Variants in EPG5 observed in about 807,000 individuals in gnomAD.
EPG5 encodes ectopic P granules protein 5 homolog.
Under a neutral mutation model 302.7 loss-of-function variants are expected in EPG5, and 159 were observed. That is an observed-to-expected ratio of 0.53 (90% CI 0.46 to 0.60). The LOEUF (loss-of-function observed/expected upper bound fraction) is 0.60. EPG5 is among the 20% of genes least tolerant of loss of function. The pLI, the probability that EPG5 is intolerant of heterozygous loss-of-function variation, is 0.00. For missense variants in EPG5, 2,896 were observed against 3,092.4 expected, an observed-to-expected ratio of 0.94 and a Z score of 1.51; for synonymous variants, 1,158 against 1,136.8, an observed-to-expected ratio of 1.02 and a Z score of -0.37.
chr18:45,818,465 C>T, the EPG5 span, among the ~76,000 whole-genome samples: 11 of 152,114 alleles, frequency 7.2e-5, no homozygotes, highest in African/African-American at 2.7e-4. Flanking sequence ...AGTCCCTTTC[C>T]CTACTCTTGT....
intron 40 of EPG5, among the ~76,000 whole-genome samples, chr18:45,859,266 A>C (rs1220894033): frequency 6.6e-6 from 1 of 152,214 alleles, no homozygotes; most frequent in African/African-American, 2.4e-5. Flanking sequence ...AAACTGTTTG[A>C]TTTTTAGTAA....
At chr18:45,942,208 G>A (rs1182922088) in intron 9 of EPG5, among the ~76,000 whole-genome samples, 2 of 152,016 alleles carry the variant, frequency 1.3e-5, no homozygotes, top group East Asian at 3.9e-4. Context: ...CCGGGTGACA[G>A]AGTGAGACCC....
chr18:45,840,372 G>C, the EPG5 span: 2 of 1,036,724 alleles, frequency 1.9e-6, no homozygotes, highest in Non-Finnish European at 2.8e-6. Context: ...CAGGGGCTGG[G>C]CCTTCCTTGC....
rs2050486050 is a variant in EPG5, at chr18:45,934,971, A to G, written c.2100-5T>C. On this transcript the variant is annotated splice_region_variant and splice_polypyrimidine_tract_variant and intron_variant, in intron 10 of 43. Transcript: ENST00000282041. The stretch of plus-strand genomic sequence containing the variant: ...ATAAACAGCCAAATGCCAAGTCTGC[A>G]TGTAAGCAGGAATCATTTTATTTAT... 6.2e-7 allele frequency: 1 copy of G among 1,603,440 alleles called. No homozygotes were observed. Among genetic ancestry groups the G allele is most frequent in the Admixed American group, 1.8e-5 (1 of 57,130 alleles).
chr18:45,863,521 C>T (rs2048678744), intron 39 of EPG5, among the ~76,000 whole-genome samples: 1 of 152,122 alleles, frequency 6.6e-6, no homozygotes, highest in Non-Finnish European at 1.5e-5. Context: ...GCAGTAGAAC[C>T]TTAGAACACT....
Position 45,879,052 on chromosome 18 carries a change from T to G in EPG5, c.5830A>C (p.Thr1944Pro). The stretch of plus-strand genomic sequence containing the variant: ...GCAGTTGGGTCTTGGGCCAAACAGG[T>G]CATTTCTAAGTCAATCAGCCTTTTC... The part of the protein sequence containing the change: ...LVKRLIDLEM[T>P]CLAQDPTASR... The change falls in exon 33 of 44, where the codon ACC (threonine) becomes CCC (proline). Residue 1944 changes from threonine to proline, a missense_variant. This residue lies in a region of EPG5 where 790 missense variants were observed against 798.0 expected (regional missense o/e 0.99). Coordinates refer to ENST00000282041, the MANE Select transcript of EPG5 (RefSeq NM_020964.3). 1 of 1,614,156 alleles carries G rather than the reference T, an allele frequency of 6.2e-7. No homozygotes were observed. Among genetic ancestry groups the G allele is most frequent in the Admixed American group, 1.7e-5 (1 of 60,018 alleles).
intron 40 of EPG5, 127 bp downstream of exon 40, chr18:45,859,977 G>T: frequency 8.1e-7 from 1 of 1,227,686 alleles, no homozygotes; most frequent in Non-Finnish European, 1.1e-6. Flanking sequence ...CACAACATTT[G>T]TAGAGCAGAA....
chr18:45,910,126 C>T (rs2049857611), intron 23 of EPG5, among the ~76,000 whole-genome samples: 1 of 152,162 alleles, frequency 6.6e-6, no homozygotes, highest in Middle Eastern at 3.4e-3. Flanking sequence ...GCTGGGACCA[C>T]AGGTGCACGC....
At chr18:45,945,372 A>G (rs2145921102) in intron 7 of EPG5, among the ~76,000 whole-genome samples, 1 of 152,304 alleles carries the variant, frequency 6.6e-6, no homozygotes, top group Non-Finnish European at 1.5e-5. Flanking sequence ...GCTAGTAACA[A>G]GAAACCAATG....
At chr18:45,871,840 G>T (rs909145772) in intron 35 of EPG5, among the ~76,000 whole-genome samples, 1 of 152,144 alleles carries the variant, frequency 6.6e-6, no homozygotes, top group East Asian at 1.9e-4. Flanking sequence ...GTTTCAGAGG[G>T]CAGGAGGAAT....
chr18:45,875,860 G>C (rs566225662), intron 35 of EPG5, among the ~76,000 whole-genome samples: 1 of 152,214 alleles, frequency 6.6e-6, no homozygotes, highest in Non-Finnish European at 1.5e-5. Flanking sequence ...TTTGAGACCA[G>C]CCTGGGCAAC....
At position 45,949,527 on chromosome 18, in the gene EPG5, C is replaced by T. The variant is rs369502506; in HGVS notation, c.1454G>A (p.Arg485Gln). The T allele has an allele frequency of 2.5e-6, 4 of 1,612,932 alleles. No individual in the cohort carries two copies. Among genetic ancestry groups the T allele is most frequent in the Non-Finnish European group, 3.4e-6 (4 of 1,179,396 alleles). Residue 485 changes from arginine to glutamine, a missense_variant, in exon 5 of 44, where the codon CGA becomes CAA. Physicochemically the swap from Arg to Gln is conservative, Grantham distance 43. Around this residue, in one of 5 missense-constraint regions of EPG5, gnomAD observed 1,390 missense variants for 1,430.0 expected, o/e 0.97. Coordinates refer to ENST00000282041, the MANE Select transcript of EPG5 (RefSeq NM_020964.3). ...DHLFLLNHIL[R>Q]CPAGVSKWAV... ...CCATTTACTAACACCAGCGGGGCAT[C>T]GAAGAATATGGTTTAGAAGGAAGAG...
the EPG5 span, among the ~76,000 whole-genome samples, chr18:45,806,695 G>A: frequency 6.6e-6 from 1 of 152,146 alleles, no homozygotes; most frequent in African/African-American, 2.4e-5. Context: ...AGGGGCAGAG[G>A]AAGCAATGAG....
the EPG5 span, among the ~76,000 whole-genome samples, chr18:45,805,455 C>T: frequency 7.3e-6 from 1 of 137,136 alleles, no homozygotes; most frequent in African/African-American, 2.7e-5. Context: ...AAAGAAGTAA[C>T]AGAAGAACAA....
In EPG5 at chr18:45,865,615, C is replaced by A; in HGVS notation, c.6766G>T (p.Asp2256Tyr). 3.1e-6 allele frequency: 5 copies of A among 1,613,782 alleles called. No individual in the cohort carries two copies. The highest frequency in any genetic ancestry group is 4.2e-6 in the Non-Finnish European group (5 of 1,179,838). Residue 2256 changes from aspartate to tyrosine, a missense_variant and splice_region_variant, in exon 39 of 44, where the codon GAC becomes TAC. By Grantham distance (160) the Asp-to-Tyr change is radical (BLOSUM62 -3). Around this residue, in one of 5 missense-constraint regions of EPG5, gnomAD observed 620 missense variants for 704.2 expected, o/e 0.88. Coordinates refer to ENST00000282041, the MANE Select transcript of EPG5 (RefSeq NM_020964.3). ...LDDIIVFNPP[D>Y]MDSQTRHMAL... ...ACAGGACTTCCGACTGGTCACTTAC[C>A]GGGCGGGTTAAAGACAATGATATCG...
intron 27 of EPG5, among the ~76,000 whole-genome samples, chr18:45,890,395 T>G (rs1293798946): frequency 6.6e-6 from 1 of 152,008 alleles, no homozygotes. Context: ...ATATATATAA[T>G]CATAAAACAA....
intron 2 of EPG5, chr18:45,953,956 G>A: frequency 3.1e-5 from 30 of 982,136 alleles, no homozygotes; most frequent in Non-Finnish European, 3.5e-5. Context: ...ACAAACTAAT[G>A]ACCCATGGGC....
At chr18:45,952,713 T>TATA in intron 2 of EPG5, 70 bp from the exon 3 acceptor site, 1 of 1,540,986 alleles carries the variant, frequency 6.5e-7, no homozygotes, top group African/African-American at 1.4e-5. Flanking sequence ...AGGCAGCAAG[T>TATA]ATAAGGTACA....
At chr18:45,860,931 G>C (rs1035323139) in intron 39 of EPG5, among the ~76,000 whole-genome samples, 2 of 152,138 alleles carry the variant, frequency 1.3e-5, no homozygotes, top group South Asian at 2.1e-4. Flanking sequence ...AAAATTGGAG[G>C]TAAAGAGAGA....
Sources: allele counts gnomAD v4.1 joint callset (sites outside exome capture counted in the v4.1 genomes callset), GRCh38; gene constraint gnomAD v4.1.1; regional missense constraint gnomAD v4.1.1; transcripts MANE v1.5; gene names NCBI Gene and HGNC (gene_info 2026-07-23, HGNC 2026-07-21).